Variants in MEIS3 observed in about 807,000 individuals in gnomAD.
The protein encoded by MEIS3 is homeobox protein Meis3.
In MEIS3, 38 loss-of-function variants were observed where a neutral mutation model predicts 51.4. That is an observed-to-expected ratio of 0.74 (90% CI 0.57 to 0.97). The LOEUF (loss-of-function observed/expected upper bound fraction) is 0.97. Among genes scored for constraint, MEIS3 ranks in the 50% least tolerant of loss-of-function variants. The pLI, the probability that MEIS3 is intolerant of heterozygous loss-of-function variation, is 0.00. For missense variants in MEIS3, 456 were observed against 502.6 expected (o/e 0.91, Z 0.89); for synonymous variants, 198 against 201.8 (o/e 0.98, Z 0.16).
intron 4 of MEIS3, 152 bp from the exon 5 acceptor site, chr19:47,415,253 G>C: frequency 1.5e-6 from 1 of 654,916 alleles, no homozygotes; most frequent in South Asian, 1.7e-5. Context: ...GCAGCAAAGA[G>C]AGACAAAGAC....
chr19:47,405,389 T>A (rs558263109), intron 12 of MEIS3, among the ~76,000 whole-genome samples: 1 of 152,180 alleles, frequency 6.6e-6, no homozygotes, highest in East Asian at 1.9e-4. Context: ...CTCTAGGAAA[T>A]CTTCCCTGAT....
At chr19:47,417,442 G>GAT in intron 1 of MEIS3, 92 bp from the exon 2 acceptor site, 5 of 1,466,416 alleles carry the variant, frequency 3.4e-6, no homozygotes, top group African/African-American at 1.4e-5. Flanking sequence ...TGGAACCCAG[G>GAT]AGATGCCCTT....
At chr19:47,403,660 G>A in intron 12 of MEIS3, 107 bp from the exon 13 acceptor site, 1 of 337,298 alleles carries the variant, frequency 3.0e-6, no homozygotes, top group Non-Finnish European at 5.9e-6. Context: ...GGGACACAGA[G>A]AGAGTGGCTG....
intron 1 of MEIS3, chr19:47,418,280 T>A (rs1438961457): frequency 6.5e-6 from 1 of 153,040 alleles, no homozygotes; most frequent in Non-Finnish European, 1.5e-5. Context: ...GCTAGAACGT[T>A]CCTGCCTCGG....
upstream of MEIS3, among the ~76,000 whole-genome samples, chr19:47,421,016 C>T (rs958742858): frequency 2.7e-5 from 4 of 148,198 alleles, no homozygotes; most frequent in African/African-American, 1.0e-4. Context: ...CCCTTCTGTT[C>T]CCAGGGGGAG....
intron 8 of MEIS3, among the ~76,000 whole-genome samples, chr19:47,408,095 G>T (rs897218825): frequency 1.3e-5 from 2 of 151,952 alleles, no homozygotes; most frequent in African/African-American, 4.8e-5. Flanking sequence ...ATAAGCCACC[G>T]CACCCAGCCC....
Position 47,409,488 on chromosome 19 carries a change from A to G in MEIS3, c.657T>C (p.Gly219=), listed in dbSNP as rs1260937255. 1.9e-6 allele frequency: 3 copies of G among 1,613,954 alleles called. No homozygotes were observed. The highest frequency in any genetic ancestry group is 2.7e-5 in the African/African-American group (2 of 74,940). ...DSGSVHLGTP[G]PSSGGLASQS... ...GGGAGGCCAGGCCCCCACTGGATGGACCTGGGGTCCCCAAATGTACAGACC... is the reference window on the plus strand; with the variant it reads ...GGGAGGCCAGGCCCCCACTGGATGGGCCTGGGGTCCCCAAATGTACAGACC... Residue 219 remains glycine, a synonymous_variant, in exon 7 of 13, where the codon GGT becomes GGC. Coordinates refer to ENST00000558555, the MANE Select transcript of MEIS3 (RefSeq NM_001301059.2).
In MEIS3 at chr19:47,409,086, G is replaced by A. The variant is rs1346658813; in HGVS notation, c.858+13C>T. The stretch of plus-strand genomic sequence containing the variant: ...TCCATTCCCACCCTGCACCTGGGCA[G>A]CAGGGCTCTCACCGAGAGGTGCTGG... On this transcript the variant is annotated intron_variant, in intron 8 of 12. Transcript: ENST00000558555. 1.9e-6 allele frequency: 3 copies of A among 1,607,020 alleles called. No homozygotes were observed. Among genetic ancestry groups the A allele is most frequent in the Non-Finnish European group, 2.5e-6 (3 of 1,179,558 alleles).
At chr19:47,421,490 CCTCT>C (rs1036430562), upstream of MEIS3, among the ~76,000 whole-genome samples, 1 of 152,096 alleles carries the variant, frequency 6.6e-6, no homozygotes, top group African/African-American at 2.4e-5. Context: ...TTCCTCCTGT[CCTCT>C]CTCTCGGGCC....
intron 12 of MEIS3, 161 bp downstream of exon 12, chr19:47,406,299 A>G: frequency 1.8e-6 from 1 of 551,166 alleles, no homozygotes; most frequent in Non-Finnish European, 3.3e-6. Flanking sequence ...GGATGGATGG[A>G]CGGACGGACA....
intron 6 of MEIS3, among the ~76,000 whole-genome samples, chr19:47,414,396 C>CGGT (rs1971288001): frequency 6.6e-6 from 1 of 152,006 alleles, no homozygotes; most frequent in African/African-American, 2.4e-5. Context: ...TGTGAGTACC[C>CGGT]GGTGGACGCT....
At chr19:47,407,242 G>A (rs551217770) in intron 9 of MEIS3, 105 bp from the exon 10 acceptor site, 8 of 1,470,572 alleles carry the variant, frequency 5.4e-6, no homozygotes, top group African/African-American at 1.4e-5. Flanking sequence ...GAGGCAGAGC[G>A]GGGCGAGCAG....
At chr19:47,414,929 A>G in intron 5 of MEIS3, 63 bp from the exon 6 acceptor site, 1 of 755,652 alleles carries the variant, frequency 1.3e-6, no homozygotes, top group Non-Finnish European at 2.0e-6. Flanking sequence ...GTGCTCAGGG[A>G]CGGGGGCGGC....
chr19:47,415,195 A>G, intron 4 of MEIS3, 94 bp from the exon 5 acceptor site: 3 of 768,466 alleles, frequency 3.9e-6, no homozygotes, highest in Non-Finnish European at 6.8e-6. Flanking sequence ...GGAAGAGGAG[A>G]CACAGAGAAA....
At chr19:47,414,268 C>G (rs1243965812) in intron 6 of MEIS3, among the ~76,000 whole-genome samples, 1 of 152,030 alleles carries the variant, frequency 6.6e-6, no homozygotes, top group African/African-American at 2.4e-5. Context: ...GCTCTATGTC[C>G]ATCTGTGTGG....
intron 6 of MEIS3, among the ~76,000 whole-genome samples, chr19:47,410,260 C>T (rs975260987): frequency 2.6e-5 from 4 of 152,028 alleles, no homozygotes; most frequent in Non-Finnish European, 2.9e-5. Flanking sequence ...CCAGCCTGGC[C>T]GACATGGTGA....
At chr19:47,414,378 G>A (rs1971286582) in intron 6 of MEIS3, among the ~76,000 whole-genome samples, 1 of 152,156 alleles carries the variant, frequency 6.6e-6, no homozygotes, top group Non-Finnish European at 1.5e-5. Context: ...GCTGGGCTGG[G>A]GGGCGTGTGT....
chr19:47,415,121 G>A lies in MEIS3; in HGVS notation c.397-20C>T. On this transcript the variant is annotated intron_variant, in intron 4 of 12. Coordinates refer to ENST00000558555, the MANE Select transcript of MEIS3 (RefSeq NM_001301059.2). ...GATCATCTGAAAACGTGGGCGGGAGGTGGGGGGAGACAGAGGGAATTGGGG... is the reference window on the plus strand; with the variant it reads ...GATCATCTGAAAACGTGGGCGGGAGATGGGGGGAGACAGAGGGAATTGGGG... 1 of 1,508,128 alleles carries A rather than the reference G, an allele frequency of 6.6e-7. No individual in the cohort carries two copies. The highest frequency in any genetic ancestry group is 9.0e-7 in the Non-Finnish European group (1 of 1,110,470). 93.4% of individuals were successfully genotyped at this position (1,508,128 alleles called of 1,614,324 possible).
At chr19:47,411,283 G>A (rs897041575) in intron 6 of MEIS3, among the ~76,000 whole-genome samples, 1 of 152,116 alleles carries the variant, frequency 6.6e-6, no homozygotes, top group Non-Finnish European at 1.5e-5. Context: ...CATGCAGTTC[G>A]CAACCATCCT....
Sources: gnomAD v4.1 joint callset for allele counts (sites outside exome capture counted in the v4.1 genomes callset) on GRCh38, gnomAD v4.1.1 for gene constraint, MANE v1.5 for transcripts, NCBI Gene and HGNC (gene_info 2026-07-23, HGNC 2026-07-21) for gene names.